The following BRINP2 variants were observed in gnomAD, a reference collection of about 807,000 sequenced individuals.
The protein encoded by BRINP2 is BMP/retinoic acid inducible neural specific 2.
A neutral mutation model predicts 69.2 loss-of-function variants in BRINP2; 21 were observed. The ratio of observed to expected loss-of-function variants is 0.30; its 90% CI spans 0.22 to 0.44. The LOEUF (loss-of-function observed/expected upper bound fraction) is 0.44. Ranked by LOEUF, BRINP2 falls within the 20% of genes least tolerant of loss-of-function variation. The pLI is 1.00. For synonymous variants in BRINP2, 380 were observed against 394.1 expected, an observed-to-expected ratio of 0.96 and a Z score of 0.42; for missense variants, 877 against 986.0, an observed-to-expected ratio of 0.89 and a Z score of 1.48.
chr1:177,227,339 A>G (rs1011426426), intron 1 of BRINP2, among the ~76,000 whole-genome samples: 1 of 152,222 alleles, frequency 6.6e-6, no homozygotes, highest in Non-Finnish European at 1.5e-5. Context: ...TTTTGTCATT[A>G]TGCCTTTAAA....
Position 177,281,114 on chromosome 1 carries a change from A to G in BRINP2, c.1938A>G (p.Leu646=), listed in dbSNP as rs372209946. Reference sequence around the variant, plus strand: ...TCTTTGAGACAGTTCATGTTTACCTACGGAGCCGAATCAAGTCCCTGGATG... The same window carrying G: ...TCTTTGAGACAGTTCATGTTTACCTGCGGAGCCGAATCAAGTCCCTGGATG... ...KTFFETVHVY[L]RSRIKSLDDS... is the part of the protein sequence containing the mutation. The change falls in exon 8 of 8, where the codon CTA becomes CTG. Residue 646 remains leucine, a synonymous_variant. Coordinates refer to ENST00000361539, the MANE Select transcript of BRINP2 (RefSeq NM_021165.4). 8.1e-6 allele frequency: 13 copies of G among 1,614,102 alleles called. No individual in the cohort carries two copies. In the East Asian group the frequency reaches 2.0e-4, roughly 25 times the overall value.
intron 3 of BRINP2, chr1:177,256,773 T>A (rs1298783662): frequency 9.0e-7 from 1 of 1,106,628 alleles, no homozygotes; most frequent in Non-Finnish European, 1.1e-6. Context: ...AGGTGTTGAG[T>A]GTTTGATGGG....
At chr1:177,263,918 A>G (rs1558182516) in intron 4 of BRINP2, among the ~76,000 whole-genome samples, 1 of 152,196 alleles carries the variant, frequency 6.6e-6, no homozygotes, top group Admixed American at 6.5e-5. Context: ...GCCTTCCTGT[A>G]CGTGAACTGC....
At chr1:177,253,727 G>A (rs899792683) in intron 2 of BRINP2, among the ~76,000 whole-genome samples, 1 of 152,214 alleles carries the variant, frequency 6.6e-6, no homozygotes, top group African/African-American at 2.4e-5. Flanking sequence ...GTGAAAGATA[G>A]TTTTATTCTT....
At position 177,281,497 on chromosome 1, in the gene BRINP2, T is replaced by C; in HGVS notation, c.2321T>C (p.Val774Ala). The part of the protein sequence containing the change: ...RAFNSKLPNP[V>A]EYETGKLCS ...TTCAATTCTAAGCTGCCAAACCCTG[T>C]GGAATATGAGACCGGCAAACTCTGT... The change falls in exon 8 of 8, where the codon GTG becomes GCG. Residue 774 changes from valine (V) to alanine (A), a missense_variant. Around this residue, in one of 3 missense-constraint regions of BRINP2, gnomAD observed 225 missense variants for 218.7 expected, o/e 1.03. Transcript: ENST00000361539. 1 of 1,610,016 alleles carries C rather than the reference T, an allele frequency of 6.2e-7. No homozygotes were observed.
At chr1:177,272,780 T>C (rs2102360014) in intron 4 of BRINP2, among the ~76,000 whole-genome samples, 1 of 152,376 alleles carries the variant, frequency 6.6e-6, no homozygotes, top group African/African-American at 2.4e-5. Context: ...CCATCATTCT[T>C]ATTACATAAT....
intron 2 of BRINP2, among the ~76,000 whole-genome samples, chr1:177,251,347 G>A (rs1036866670): frequency 6.6e-6 from 1 of 152,016 alleles, no homozygotes; most frequent in Admixed American, 6.6e-5. Flanking sequence ...GAATGTTCTG[G>A]GTAATAAAAA....
intron 1 of BRINP2, among the ~76,000 whole-genome samples, chr1:177,173,156 G>A (rs1647989615): frequency 6.6e-6 from 1 of 152,176 alleles, no homozygotes; most frequent in Non-Finnish European, 1.5e-5. Flanking sequence ...ACCCTCTGGA[G>A]TCCCCCTTCA....
rs959250550 is a variant in BRINP2 at position 177,171,186 on chromosome 1, C to A, written c.-623C>A. 5.3e-5 allele frequency among the ~76,000 whole-genome samples: 8 copies of A among 152,198 alleles called. No homozygotes were observed. Among genetic ancestry groups the A allele is most frequent in the African/African-American group, 1.9e-4 (8 of 41,460 alleles). ...CAGGCAGCCGAGGGAGCGGTGAAGC[C>A]GGAAGACCTGTCTCTGCCCATGTGC... On this transcript the variant is annotated 5_prime_UTR_variant, in exon 1 of 8. Coordinates refer to ENST00000361539, the MANE Select transcript of BRINP2 (RefSeq NM_021165.4).
intron 1 of BRINP2, among the ~76,000 whole-genome samples, chr1:177,215,486 T>A (rs1025587776): frequency 1.3e-5 from 2 of 152,204 alleles, no homozygotes; most frequent in Non-Finnish European, 2.9e-5. Flanking sequence ...GATTCCTTTT[T>A]TAGAAATTCT....
intron 1 of BRINP2, among the ~76,000 whole-genome samples, chr1:177,198,425 T>C (rs543671447): frequency 9.8e-4 from 149 of 152,324 alleles, no homozygotes; most frequent in African/African-American, 3.4e-3. Context: ...AATTCAACGA[T>C]GATTGTATAT....
At chr1:177,208,701 AAC>A (rs375460694) in intron 1 of BRINP2, among the ~76,000 whole-genome samples, 387 of 152,212 alleles carry the variant, frequency 2.5e-3, no homozygotes, top group African/African-American at 8.9e-3. Flanking sequence ...ATTTGATTTT[AAC>A]ACAGTTATCA....
intron 1 of BRINP2, among the ~76,000 whole-genome samples, chr1:177,220,634 G>A (rs758930864): frequency 1.3e-5 from 2 of 152,176 alleles, no homozygotes; most frequent in African/African-American, 2.4e-5. Context: ...AGTCTTGGGT[G>A]TTTCTTTGTA....
intron 2 of BRINP2, among the ~76,000 whole-genome samples, chr1:177,244,287 T>C (rs1650304562): frequency 6.6e-6 from 1 of 152,276 alleles, no homozygotes; most frequent in Admixed American, 6.5e-5. Context: ...AAAGAAAATA[T>C]ATATAGCAGC....
chr1:177,225,433 C>G (rs760689), intron 1 of BRINP2, among the ~76,000 whole-genome samples: 76,182 of 152,060 alleles, frequency 0.5, 19,407 homozygotes, highest in South Asian at 0.61. Flanking sequence ...TAAAGGAACT[C>G]ACTTAGCCAT....
chr1:177,237,856 G>A (rs1278934376), intron 2 of BRINP2, among the ~76,000 whole-genome samples: 1 of 152,154 alleles, frequency 6.6e-6, no homozygotes, highest in African/African-American at 2.4e-5. Flanking sequence ...CGACAGGGAC[G>A]CTGTCGAGTC....
rs371997603 is a variant in BRINP2 at position 177,278,708 on chromosome 1, C to G, written c.1158C>G (p.Thr386=). The stretch of plus-strand genomic sequence containing the variant: ...GCTTGAAAGTGCTGTTCAAAAAGAC[C>G]CATCGGATCCTACGCCGGCTCTTCA... ...GAGLKVLFKK[T]HRILRRLFNL... is the part of the protein sequence containing the mutation. Residue 386 remains threonine, a synonymous_variant, in exon 7 of 8, where the codon ACC becomes ACG. Transcript: ENST00000361539. 3 of 1,614,068 alleles carry G rather than the reference C, an allele frequency of 1.9e-6. No individual in the cohort carries two copies. In the African/African-American group the frequency reaches 4.0e-5, roughly 22 times the overall value.
intron 7 of BRINP2, among the ~76,000 whole-genome samples, chr1:177,279,382 T>A (rs1206331932): frequency 1.3e-5 from 2 of 152,228 alleles, no homozygotes; most frequent in Non-Finnish European, 1.5e-5. Context: ...ATTATAACTA[T>A]GTGGCAACCA....
chr1:177,266,724 C>A (rs1337259442), intron 4 of BRINP2, among the ~76,000 whole-genome samples: 1 of 140,880 alleles, frequency 7.1e-6, no homozygotes, highest in Non-Finnish European at 1.5e-5. Context: ...CACGCCACTG[C>A]ACTCCAGCCT....
Sources: gnomAD v4.1 joint callset for allele counts (sites outside exome capture counted in the v4.1 genomes callset) on GRCh38, gnomAD v4.1.1 for gene constraint, gnomAD v4.1.1 regional missense constraint, MANE v1.5 for transcripts, NCBI Gene and HGNC (gene_info 2026-07-23, HGNC 2026-07-21) for gene names.